Variants in PDE10A observed in about 807,000 individuals in gnomAD.
PDE10A encodes the protein phosphodiesterase 10A.
In PDE10A, 39 loss-of-function variants were observed where a neutral mutation model predicts 97.7. That is an observed-to-expected ratio of 0.40 (90% confidence interval 0.31 to 0.52). The LOEUF (loss-of-function observed/expected upper bound fraction) is 0.52. Among genes scored for constraint, PDE10A ranks in the 20% least tolerant of loss-of-function variants. The pLI is 0.56. For missense variants in PDE10A, 731 were observed against 1,047.8 expected, an observed-to-expected ratio of 0.70 and a Z score of 4.17; for synonymous variants, 371 against 376.8, an observed-to-expected ratio of 0.98 and a Z score of 0.18.
At chr6:165,818,178 G>A (rs1779472070) in intron 1 of PDE10A, among the ~76,000 whole-genome samples, 1 of 152,108 alleles carries the variant, frequency 6.6e-6, no homozygotes, top group East Asian at 1.9e-4. Flanking sequence ...CTCGCTCACT[G>A]TCACACGCAC....
At chr6:165,779,461 A>G (rs1379500925) in intron 1 of PDE10A, among the ~76,000 whole-genome samples, 12 of 152,064 alleles carry the variant, frequency 7.9e-5, no homozygotes, top group Admixed American at 7.9e-4. Context: ...TATTAGATCT[A>G]CTCTGCATCA....
chr6:165,355,796 A>G (rs1414586747), intron 18 of PDE10A, among the ~76,000 whole-genome samples: 1 of 152,182 alleles, frequency 6.6e-6, no homozygotes, highest in East Asian at 1.9e-4. Flanking sequence ...AAAACAACTA[A>G]GGTGTTTTCT....
intron 1 of PDE10A, among the ~76,000 whole-genome samples, chr6:165,898,123 C>T (rs1782007526): frequency 6.6e-6 from 1 of 151,794 alleles, no homozygotes; most frequent in Non-Finnish European, 1.5e-5. Context: ...CATGAGTTGC[C>T]ATCTGCCAGA....
chr6:165,440,076 T>C (rs1294933745), intron 5 of PDE10A, among the ~76,000 whole-genome samples: 4 of 152,160 alleles, frequency 2.6e-5, no homozygotes, highest in Admixed American at 6.5e-5. Flanking sequence ...AGTATTTAGG[T>C]TTACCAATAA....
chr6:165,525,499 G>A (rs551975064), intron 2 of PDE10A, among the ~76,000 whole-genome samples: 3 of 152,136 alleles, frequency 2.0e-5, no homozygotes, highest in Admixed American at 6.5e-5. Flanking sequence ...AATTAGGATG[G>A]TGGAGTGGAT....
intron 1 of PDE10A, among the ~76,000 whole-genome samples, chr6:165,852,708 T>G (rs543110033): frequency 6.6e-6 from 1 of 152,186 alleles, no homozygotes. Flanking sequence ...ATTACTTCAC[T>G]GTACAATGAA....
At position 165,413,576 on chromosome 6, in the gene PDE10A, A is replaced by G; in HGVS notation, c.2001T>C (p.Ser667=). Residue 667 remains serine, a synonymous_variant, in exon 13 of 22, where the codon AGT becomes AGC. Transcript: ENST00000539869. The part of the protein sequence containing the change: ...VVQMVNKISG[S]AFSKTDENNF... ...TGTTTTCATCTGTTTTAGAGAAGGC[A>G]CTGCCACTGATTTTGTTGACCATCT... 1.2e-6 allele frequency: 2 copies of G among 1,614,160 alleles called. No individual in the cohort carries two copies. The highest frequency in any genetic ancestry group is 1.7e-6 in the Non-Finnish European group (2 of 1,179,972).
chr6:165,867,279 T>G (rs1781083393), intron 1 of PDE10A, among the ~76,000 whole-genome samples: 1 of 146,560 alleles, frequency 6.8e-6, no homozygotes, highest in East Asian at 2.0e-4. Flanking sequence ...CAGAAGAAAC[T>G]CACTTCACCA....
At chr6:165,735,057 CAGAT>C (rs781427262) in intron 1 of PDE10A, among the ~76,000 whole-genome samples, 21 of 149,806 alleles carry the variant, frequency 1.4e-4, no homozygotes, top group Non-Finnish European at 2.1e-4. Context: ...GGGAGGTAGA[CAGAT>C]AGGTAGGTAG....
chr6:165,970,369 G>C (rs1021945795), intron 1 of PDE10A, among the ~76,000 whole-genome samples: 1 of 152,164 alleles, frequency 6.6e-6, no homozygotes, highest in East Asian at 1.9e-4. Flanking sequence ...GATTTTGGTA[G>C]TTGTAAGGTG....
chr6:165,888,761 G>C (rs550402606), intron 1 of PDE10A, among the ~76,000 whole-genome samples: 6 of 152,364 alleles, frequency 3.9e-5, no homozygotes, highest in African/African-American at 9.6e-5. Flanking sequence ...CATGGTGAGA[G>C]TTATGGAGGA....
At chr6:165,979,174 T>A (rs902339464) in intron 1 of PDE10A, among the ~76,000 whole-genome samples, 1 of 152,182 alleles carries the variant, frequency 6.6e-6, no homozygotes, top group African/African-American at 2.4e-5. Flanking sequence ...GATACAGGCT[T>A]GGGGCCTGCT....
chr6:165,837,175 T>A (rs1383731850), intron 1 of PDE10A, among the ~76,000 whole-genome samples: 8 of 151,068 alleles, frequency 5.3e-5, no homozygotes, highest in African/African-American at 2.0e-4. Flanking sequence ...ATTGTGCACA[T>A]GTACCCTAAA....
chr6:165,700,464 G>A (rs991827908), intron 1 of PDE10A, among the ~76,000 whole-genome samples: 1 of 152,228 alleles, frequency 6.6e-6, no homozygotes, highest in Non-Finnish European at 1.5e-5. Flanking sequence ...ATTACATGGT[G>A]TGTGAATGAT....
intron 1 of PDE10A, among the ~76,000 whole-genome samples, chr6:165,970,739 A>G (rs1784644354): frequency 6.6e-6 from 1 of 152,362 alleles, no homozygotes; most frequent in South Asian, 2.1e-4. Context: ...ATTTTTGCCA[A>G]TTGCATTTAT....
intron 1 of PDE10A, among the ~76,000 whole-genome samples, chr6:165,686,600 C>T (rs1237947009): frequency 2.6e-5 from 4 of 152,212 alleles, no homozygotes; most frequent in Non-Finnish European, 5.9e-5. Context: ...CTTTCTAAAA[C>T]AAAGAACCAC....
At chr6:165,686,745 C>G (rs1321787616) in intron 1 of PDE10A, among the ~76,000 whole-genome samples, 1 of 152,156 alleles carries the variant, frequency 6.6e-6, no homozygotes, top group Admixed American at 6.5e-5. Context: ...TGGTTGAGAG[C>G]AGAAACACGA....
Position 165,587,347 on chromosome 6 carries a change from C to A in PDE10A, c.866-43779G>T, listed in dbSNP as rs187106439. Among the ~76,000 whole-genome samples, 12 of 152,160 alleles carry A rather than the reference C, an allele frequency of 7.9e-5. No homozygotes were observed. In the East Asian group the frequency reaches 2.1e-3, roughly 27 times the overall value. On this transcript the variant is annotated intron_variant, in intron 1 of 21. Coordinates refer to ENST00000539869, the MANE Select transcript of PDE10A (RefSeq NM_001385079.1). ...CAAGGAGAAAGTTACGTACCAAAAC[C>A]CAGCTCTTGAATTGAAATTTAATAC...
At position 165,482,308 on chromosome 6, in the gene PDE10A, C is replaced by T; in HGVS notation, c.1023+7G>A. ...GCAGTAGTAGAAATAATATTCACAT[C>T]ACTTACCCTGCTGACTTCCTTAGGA... On this transcript the variant is annotated splice_region_variant and intron_variant, in intron 3 of 21. Transcript: ENST00000539869. The T allele has an allele frequency of 6.3e-7, 1 of 1,578,396 alleles. No homozygotes were observed. The highest frequency in any genetic ancestry group is 1.3e-5 in the African/African-American group (1 of 74,132).
Sources: gnomAD v4.1 joint callset for allele counts (sites outside exome capture counted in the v4.1 genomes callset) on GRCh38, gnomAD v4.1.1 for gene constraint, MANE v1.5 for transcripts, NCBI Gene and HGNC (gene_info 2026-07-23, HGNC 2026-07-21) for gene names.